GJA3: variants seen among roughly 807,000 people sequenced by gnomAD.
The protein encoded by GJA3 is gap junction protein alpha 3, also known as gap junction alpha-3 protein.
For synonymous variants in GJA3, 297 were observed against 292.6 expected (o/e 1.02, Z -0.15); for missense variants, 571 against 620.3 (o/e 0.92, Z 0.84).
chr13:20,142,569 C>CG lies in GJA3; in HGVS notation c.719dup (p.Asp241GlyfsTer85). 2 of 1,594,318 alleles carry CG rather than the reference C, an allele frequency of 1.3e-6. No homozygotes were observed. Among genetic ancestry groups the CG allele is most frequent in the Non-Finnish European group, 1.7e-6 (2 of 1,171,016 alleles). Reference sequence around the variant, plus strand: ...TCCCCAGCGGGGCCTCGGAGGCGTCCGGGCCGAGGCGGCTGGTCACGCCCT... The same window carrying CG: ...TCCCCAGCGGGGCCTCGGAGGCGTCCGGGGCCGAGGCGGCTGGTCACGCCCT... On this transcript the variant is annotated frameshift_variant, in exon 2 of 2. Transcript: ENST00000241125. LOFTEE classifies it low-confidence loss of function (END_TRUNC).
At chr13:20,148,143 C>T (rs1019080772) in intron 1 of GJA3, among the ~76,000 whole-genome samples, 8 of 152,092 alleles carry the variant, frequency 5.3e-5, no homozygotes, top group African/African-American at 9.7e-5. Flanking sequence ...ATCAGACCTG[C>T]GTGGAAGCCT....
rs1264470966 is a variant in GJA3, at chr13:20,141,633, A to G, written c.*348T>C. On this transcript the variant is annotated 3_prime_UTR_variant, in exon 2 of 2. Coordinates refer to ENST00000241125, the MANE Select transcript of GJA3 (RefSeq NM_021954.4). ...ACCCAATTGCCCAGGAGCTAAAGGGACTGCAGGATACCTGTTGCTTTACCA... is the reference window on the plus strand; with the variant it reads ...ACCCAATTGCCCAGGAGCTAAAGGGGCTGCAGGATACCTGTTGCTTTACCA... The G allele has an allele frequency of 3.9e-6, 1 of 258,958 alleles. No individual in the cohort carries two copies. Among genetic ancestry groups the G allele is most frequent in the African/African-American group, 2.2e-5 (1 of 44,460 alleles). The allele number at this position is 258,958 out of a possible 1,614,324, so 16.0% of individuals were successfully genotyped here.
At chr13:20,161,564 C>G (rs986120572), upstream of GJA3, among the ~76,000 whole-genome samples, 1 of 152,132 alleles carries the variant, frequency 6.6e-6, no homozygotes, top group African/African-American at 2.4e-5. Context: ...TTCCGGACGG[C>G]TGGCGCGGGG....
chr13:20,145,503 G>T (rs1270394939), intron 1 of GJA3, among the ~76,000 whole-genome samples: 1 of 152,186 alleles, frequency 6.6e-6, no homozygotes, highest in African/African-American at 2.4e-5. Context: ...ACAATTTGGG[G>T]TCACTTCCTG....
At chr13:20,146,041 G>T (rs1404149072) in intron 1 of GJA3, among the ~76,000 whole-genome samples, 2 of 152,322 alleles carry the variant, frequency 1.3e-5, no homozygotes, top group East Asian at 3.9e-4. Flanking sequence ...CCTGTCTACC[G>T]GCAGAGTAGC....
In GJA3 at chr13:20,142,252, G is replaced by C. The variant is rs769194838; in HGVS notation, c.1037C>G (p.Ala346Gly). The change falls in exon 2 of 2, where the codon GCG (alanine) becomes GGG (glycine). Residue 346 changes from alanine (A) to glycine (G), a missense_variant. Physicochemically the swap from Ala to Gly is moderately conservative, Grantham distance 60 (BLOSUM62 0). Transcript: ENST00000241125. ...GGGGCTGGGGGCTGCAGGCGTGGAC[G>C]CTGCCGGGTAAGCCTTGAGCGCCGG... ...QPPALKAYPA[A>G]STPAAPSPVG... is the part of the protein sequence containing the mutation. The C allele has an allele frequency of 5.2e-6, 8 of 1,545,654 alleles. No individual in the cohort carries two copies. In the African/African-American group the frequency reaches 1.1e-4, roughly 22 times the overall value.
Position 20,142,227 on chromosome 13 carries a change from G to C in GJA3, c.1062C>G (p.Pro354=), listed in dbSNP as rs1160274362. The change falls in exon 2 of 2, where the codon CCC becomes CCG. Residue 354 remains proline, a synonymous_variant. Coordinates refer to ENST00000241125, the MANE Select transcript of GJA3 (RefSeq NM_021954.4). ...CGAGTGGCGGGGAGCTGCTGCCGAC[G>C]GGGCTGGGGGCTGCAGGCGTGGACG... ...PAASTPAAPS[P]VGSSSPPLAH... 5 of 1,522,100 alleles carry C rather than the reference G, an allele frequency of 3.3e-6. No homozygotes were observed. Among genetic ancestry groups the C allele is most frequent in the Non-Finnish European group, 4.4e-6 (5 of 1,139,546 alleles). 94.3% of individuals were successfully genotyped at this position (1,522,100 alleles called of 1,614,324 possible).
chr13:20,141,893 G>A lies in GJA3; in HGVS notation c.*88C>T. On this transcript the variant is annotated 3_prime_UTR_variant, in exon 2 of 2. Transcript: ENST00000241125. ...CGCTCCCACCTCCTGGGACTTTCAG[G>A]TTCTATCTGCTGGTGGGAAGTGCAC... The A allele has an allele frequency of 8.5e-6, 13 of 1,522,094 alleles. No homozygotes were observed. The highest frequency in any genetic ancestry group is 1.2e-5 in the Non-Finnish European group (13 of 1,127,450). The allele number at this position is 1,522,094 out of a possible 1,614,324, so 94.3% of individuals were successfully genotyped here.
At chr13:20,157,243 G>T (rs2141146095) in intron 1 of GJA3, among the ~76,000 whole-genome samples, 1 of 152,196 alleles carries the variant, frequency 6.6e-6, no homozygotes, top group East Asian at 1.9e-4. Context: ...AAATTACAGG[G>T]GTGCTTCAGC....
intron 1 of GJA3, among the ~76,000 whole-genome samples, chr13:20,159,064 G>C (rs1192703297): frequency 2.0e-5 from 3 of 151,808 alleles, no homozygotes; most frequent in Non-Finnish European, 2.9e-5. Flanking sequence ...GCATTATACA[G>C]AAATTGCAGA....
At chr13:20,155,676 G>A (rs144492055) in intron 1 of GJA3, among the ~76,000 whole-genome samples, 4 of 151,324 alleles carry the variant, frequency 2.6e-5, no homozygotes, top group African/African-American at 9.7e-5. Flanking sequence ...AAAATGACAG[G>A]TTATTTTATT....
chr13:20,153,526 C>T (rs7332876), intron 1 of GJA3, among the ~76,000 whole-genome samples: 1,779 of 152,212 alleles, frequency 0.012, 34 homozygotes, highest in African/African-American at 0.041. Flanking sequence ...AGCAAACCAT[C>T]GCAAGGACAG....
At position 20,142,114 on chromosome 13, in the gene GJA3, T is replaced by G. The variant is rs906390729; in HGVS notation, c.1175A>C (p.Glu392Ala). Reference sequence around the variant, plus strand: ...GGTGGTCACGGCCTGCTCCTCCTCCTCGGGGGTCCCTGCCAGGGCGCTCCC... The same window carrying G: ...GGTGGTCACGGCCTGCTCCTCCTCCGCGGGGGTCCCTGCCAGGGCGCTCCC... ...LEGSALAGTPEEEEQAVTTAA... is the reference protein window; with the variant it reads ...LEGSALAGTPAEEEQAVTTAA... The change falls in exon 2 of 2, where the codon GAG becomes GCG. Residue 392 changes from glutamate to alanine, a missense_variant. Physicochemically the swap from Glu to Ala is moderately radical, Grantham distance 107. Transcript: ENST00000241125. 1.3e-6 allele frequency: 2 copies of G among 1,546,358 alleles called. No homozygotes were observed. The highest frequency in any genetic ancestry group is 2.7e-5 in the African/African-American group (2 of 72,894).
chr13:20,143,109 G>A lies in GJA3; in HGVS notation c.180C>T (p.Gly60=). 1 of 1,613,840 alleles carries A rather than the reference G, an allele frequency of 6.2e-7. No individual in the cohort carries two copies. The highest frequency in any genetic ancestry group is 8.5e-7 in the Non-Finnish European group (1 of 1,179,876). ...CCCTGTCGTAGCAGACGTTCTCGCAGCCCGGCTGCTGGGTGTTGCAGGTGA... is the reference window on the plus strand; with the variant it reads ...CCCTGTCGTAGCAGACGTTCTCGCAACCCGGCTGCTGGGTGTTGCAGGTGA... ...SDFTCNTQQP[G]CENVCYDRAF... is the part of the protein sequence containing the mutation. The change falls in exon 2 of 2, where the codon GGC becomes GGT. Residue 60 remains glycine, a synonymous_variant. Transcript: ENST00000241125.
At chr13:20,150,792 G>A (rs1261461024) in intron 1 of GJA3, among the ~76,000 whole-genome samples, 3 of 152,186 alleles carry the variant, frequency 2.0e-5, no homozygotes, top group Non-Finnish European at 4.4e-5. Context: ...GCCAGGGCCC[G>A]TGGTGCTCAG....
At chr13:20,154,410 T>C (rs769233258) in intron 1 of GJA3, among the ~76,000 whole-genome samples, 7 of 152,242 alleles carry the variant, frequency 4.6e-5, no homozygotes, top group African/African-American at 9.6e-5. Flanking sequence ...CTTTTGTATG[T>C]TGATATTGTA....
chr13:20,157,400 C>A, intron 1 of GJA3, among the ~76,000 whole-genome samples: 1 of 152,254 alleles, frequency 6.6e-6, no homozygotes, highest in East Asian at 1.9e-4. Flanking sequence ...CCTTCAGGAA[C>A]CTTACTCATT....
At chr13:20,160,579 G>C (rs1364384589) in intron 1 of GJA3, among the ~76,000 whole-genome samples, 1 of 152,212 alleles carries the variant, frequency 6.6e-6, no homozygotes, top group African/African-American at 2.4e-5. Context: ...ACTTAAACTC[G>C]GCCTTGGACT....
At chr13:20,143,916 G>A (rs563241420) in intron 1 of GJA3, among the ~76,000 whole-genome samples, 1 of 152,074 alleles carries the variant, frequency 6.6e-6, no homozygotes, top group East Asian at 1.9e-4. Flanking sequence ...GCTTTATTTT[G>A]GAAGTAAGGA....
Sources: gnomAD v4.1 joint callset for allele counts (sites outside exome capture counted in the v4.1 genomes callset) on GRCh38, gnomAD v4.1.1 for gene constraint, MANE v1.5 for transcripts, NCBI Gene and HGNC (gene_info 2026-07-23, HGNC 2026-07-21) for gene names.